Variants in IQCF3 observed in about 807,000 individuals in gnomAD.
The protein encoded by IQCF3 is IQ motif containing F3.
A neutral mutation model predicts 5.1 loss-of-function variants in IQCF3; 7 were observed. The observed-to-expected ratio is 1.36, with a 90% CI of 0.78 to 2.56. The LOEUF (loss-of-function observed/expected upper bound fraction) is 2.56. IQCF3 is among the 30% of genes most tolerant of loss of function. IQCF3 has a pLI of 0.00. For synonymous variants in IQCF3, 82 were observed against 72.8 expected, an observed-to-expected ratio of 1.13 and a Z score of -0.64; for missense variants, 189 against 196.5, an observed-to-expected ratio of 0.96 and a Z score of 0.23.
At chr3:51,829,044 A>G (rs1436958597), upstream of IQCF3, among the ~76,000 whole-genome samples, 1 of 152,216 alleles carries the variant, frequency 6.6e-6, no homozygotes, top group African/African-American at 2.4e-5. Context: ...TTTACATTAA[A>G]TGTTAAAACA....
upstream of IQCF3, chr3:51,828,292 G>A: frequency 6.6e-6 from 1 of 152,094 alleles, no homozygotes; most frequent in East Asian, 1.9e-4. Context: ...TGTTCAGTAT[G>A]ATGTTGGCTG....
Position 51,829,657 on chromosome 3 carries a change from G to T in IQCF3, c.19-8G>T, listed in dbSNP as rs370435748. On this transcript the variant is annotated splice_polypyrimidine_tract_variant and splice_region_variant and intron_variant, in intron 1 of 2. Transcript: ENST00000440739. ...CCATGCTCCCCCACACCCATATTCC[G>T]ATTGCAGAAAGGTGGTCCAGATGAA... 1.9e-6 allele frequency: 3 copies of T among 1,613,530 alleles called. No individual in the cohort carries two copies. Among genetic ancestry groups the T allele is most frequent in the East Asian group, 4.5e-5 (2 of 44,892 alleles).
At chr3:51,829,765 C>A in intron 2 of IQCF3, 53 bp downstream of exon 2, 1 of 1,551,854 alleles carries the variant, frequency 6.4e-7, no homozygotes, top group South Asian at 1.1e-5. Context: ...CTCTTTGATC[C>A]CAGAGTTCTT....
upstream of IQCF3, chr3:51,829,419 C>T: frequency 3.8e-6 from 6 of 1,572,176 alleles, no homozygotes; most frequent in South Asian, 3.5e-5. Context: ...CTGCCCCTGC[C>T]AAGATCAGGA....
At chr3:51,828,332 T>C (rs1160443477), upstream of IQCF3, 1 of 142,910 alleles carries the variant, frequency 7.0e-6, no homozygotes, top group Non-Finnish European at 1.5e-5. Flanking sequence ...TCTTATTATT[T>C]TGAGGTTATG....
At chr3:51,827,070 A>T (rs753925591), upstream of IQCF3, 145 of 152,596 alleles carry the variant, frequency 9.5e-4, 1 homozygote, top group Non-Finnish European at 1.6e-3. Flanking sequence ...TCCATGAAAA[A>T]AGCAGAGTTG....
Position 51,830,398 on chromosome 3 carries a change from G to T in IQCF3, c.67-5G>T, listed in dbSNP as rs375139463. ...CACTGGGAGTCCTCTGCTTTGCTTG[G>T]CCAGTTGCTTCTTGCACAACTGCAT... is the stretch of plus-strand genomic sequence containing the variant. On this transcript the variant is annotated splice_region_variant and splice_polypyrimidine_tract_variant and intron_variant, in intron 2 of 2. Coordinates refer to ENST00000440739, the MANE Select transcript of IQCF3 (RefSeq NM_001393887.1). This position sits in a 1 kb window ranked among gnomAD's most constrained non-coding sequence, Gnocchi z 4.1. 1.1e-5 allele frequency: 17 copies of T among 1,529,230 alleles called. No individual in the cohort carries two copies. Among genetic ancestry groups the T allele is most frequent in the Admixed American group, 2.1e-5 (1 of 46,666 alleles). 94.7% of individuals were successfully genotyped at this position (1,529,230 alleles called of 1,614,324 possible). A position where few individuals can be genotyped will look rare whatever the true frequency, so the allele number is the denominator to read the frequency against.
chr3:51,829,846 T>G (rs1698341668), intron 2 of IQCF3, 134 bp downstream of exon 2: 1 of 862,346 alleles, frequency 1.2e-6, no homozygotes. Flanking sequence ...CTTGGTGAAC[T>G]GAGTAAGGTA....
rs772940733 is a variant in IQCF3 at position 51,829,486 on chromosome 3, A to C, written c.11A>C (p.Lys4Thr). MGS[K>T]CCKGGPDEDA... is the part of the protein sequence containing the mutation. The stretch of plus-strand genomic sequence containing the variant: ...CCACTGCTCCAAACCATGGGCAGTA[A>C]ATGCTGTGTAAGACTCAGGCACACA... Residue 4 changes from lysine to threonine, a missense_variant, in exon 1 of 3, where the codon AAA becomes ACA. Lys to Thr is a moderately conservative substitution (Grantham distance 78). Coordinates refer to ENST00000440739, the MANE Select transcript of IQCF3 (RefSeq NM_001393887.1). 11 of 1,598,384 alleles carry C rather than the reference A, an allele frequency of 6.9e-6. No individual in the cohort carries two copies. The highest frequency in any genetic ancestry group is 3.3e-4 in the Middle Eastern group (2 of 6,052).
At position 51,830,784 on chromosome 3, in the gene IQCF3, G is replaced by A; in HGVS notation, c.448G>A (p.Glu150Lys). The change falls in exon 3 of 3, where the codon GAA (glutamate) becomes AAA (lysine). Residue 150 changes from glutamate to lysine, a missense_variant. By Grantham distance (56) the Glu-to-Lys change is moderately conservative. Coordinates refer to ENST00000440739, the MANE Select transcript of IQCF3 (RefSeq NM_001393887.1). The surrounding 1 kb of genome is among the most constrained non-coding windows in gnomAD (Gnocchi z 4.1). The part of the protein sequence containing the change: ...IPSKQPEFHI[E>K]ILSI ...TTCAAAGCAGCCAGAGTTCCACATTGAAATCCTATCAATCTGAAAGGCCTG... is the reference window on the plus strand; with the variant it reads ...TTCAAAGCAGCCAGAGTTCCACATTAAAATCCTATCAATCTGAAAGGCCTG... 1 of 1,581,654 alleles carries A rather than the reference G, an allele frequency of 6.3e-7. No individual in the cohort carries two copies. The highest frequency in any genetic ancestry group is 8.6e-7 in the Non-Finnish European group (1 of 1,160,830).
upstream of IQCF3, chr3:51,827,384 A>G (rs750609472): frequency 1.3e-5 from 2 of 152,210 alleles, no homozygotes; most frequent in Non-Finnish European, 1.5e-5. Context: ...TCAATATAGC[A>G]TGTTATAGAG....
rs1017740518 is a variant in IQCF3, at chr3:51,830,234, C to G, written c.67-169C>G. ...TATCCCGATTTCATAGATGAGGGCA[C>G]TGGGACTGTGAGGGTGTCCAGAGCC... On this transcript the variant is annotated intron_variant, in intron 2 of 2. Transcript: ENST00000440739. The surrounding 1 kb of genome is among the most constrained non-coding windows in gnomAD (Gnocchi z 4.1). Among the ~76,000 whole-genome samples the G allele has an allele frequency of 2.0e-5, 3 of 152,172 alleles. No individual in the cohort carries two copies. The highest frequency in any genetic ancestry group is 4.4e-5 in the Non-Finnish European group (3 of 68,026).
At chr3:51,828,404 A>G (rs1328231161), upstream of IQCF3, 1 of 152,250 alleles carries the variant, frequency 6.6e-6, no homozygotes, top group Non-Finnish European at 1.5e-5. Context: ...TTTCATCAAA[A>G]GCTTTTCCTG....
chr3:51,829,808 C>T (rs1577607948), intron 2 of IQCF3, 96 bp downstream of exon 2: 2 of 1,170,388 alleles, frequency 1.7e-6, no homozygotes, highest in East Asian at 5.0e-5. Flanking sequence ...TCAGCATTGC[C>T]CTCTTATCCC....
upstream of IQCF3, chr3:51,828,839 G>A (rs1473407281): frequency 6.6e-6 from 1 of 152,050 alleles, no homozygotes; most frequent in East Asian, 1.9e-4. Flanking sequence ...CAATTTCAGA[G>A]CTCATTATTA....
At chr3:51,829,417 G>A (rs1416047939), upstream of IQCF3, 4 of 1,569,086 alleles carry the variant, frequency 2.5e-6, no homozygotes, top group African/African-American at 2.7e-5. Context: ...TCCTGCCCCT[G>A]CCAAGATCAG....
rs866768662 is a variant in IQCF3, at chr3:51,830,319, G to T, written c.67-84G>T. The T allele has an allele frequency of 6.7e-6, 10 of 1,482,084 alleles. No individual in the cohort carries two copies. Among genetic ancestry groups the T allele is most frequent in the South Asian group, 2.8e-5 (2 of 71,944 alleles). 91.8% of individuals were successfully genotyped at this position (1,482,084 alleles called of 1,614,324 possible). A position where few individuals can be genotyped will look rare whatever the true frequency, so the allele number is the denominator to read the frequency against. On this transcript the variant is annotated intron_variant, in intron 2 of 2. Coordinates refer to ENST00000440739, the MANE Select transcript of IQCF3 (RefSeq NM_001393887.1). The surrounding 1 kb of genome is among the most constrained non-coding windows in gnomAD (Gnocchi z 4.1). ...CAGGTCTCCTGGGTCCTCAAAACCA[G>T]CAGGGAGAGGGCTGATTCTTTAGAG... is the stretch of plus-strand genomic sequence containing the variant.
intron 1 of IQCF3, 41 bp downstream of exon 1, chr3:51,829,534 G>T: frequency 6.3e-7 from 1 of 1,594,704 alleles, no homozygotes; most frequent in African/African-American, 1.3e-5. Flanking sequence ...GGTGGGAGTT[G>T]TCCCATGGCC....
At position 51,830,051 on chromosome 3, in the gene IQCF3, G is replaced by A. The variant is rs114230442; in HGVS notation, c.66+339G>A. ...CAAGACATTAGGAGGCAGCATCATG[G>A]CTGGAGTTTGGACCAAGACACAGGC... On this transcript the variant is annotated intron_variant, in intron 2 of 2. Coordinates refer to ENST00000440739, the MANE Select transcript of IQCF3 (RefSeq NM_001393887.1). This position sits in a 1 kb window ranked among gnomAD's most constrained non-coding sequence, Gnocchi z 4.1. 8.0e-3 allele frequency among the ~76,000 whole-genome samples: 1,217 copies of A among 152,268 alleles called. 13 individuals carry two copies. The highest frequency in any genetic ancestry group is 0.028 in the African/African-American group (1,179 of 41,544).
Sources: gnomAD v4.1 joint callset for allele counts (sites outside exome capture counted in the v4.1 genomes callset) on GRCh38, gnomAD v4.1.1 for gene constraint, Gnocchi (gnomAD v3.1) non-coding constraint, MANE v1.5 for transcripts, NCBI Gene and HGNC (gene_info 2026-07-23, HGNC 2026-07-21) for gene names.